The following STPG2 variants were observed in gnomAD, a reference collection of about 807,000 sequenced individuals.
The protein encoded by STPG2 is sperm-tail PG-rich repeat-containing protein 2.
In STPG2, 56 loss-of-function variants were observed where a neutral mutation model predicts 54.2. That is an observed-to-expected ratio of 1.03 (90% CI 0.83 to 1.29). STPG2 has a LOEUF of 1.29. Ranked by LOEUF, STPG2 falls within the 50% of genes most tolerant of loss-of-function variation. STPG2 has a pLI of 0.00. For missense variants in STPG2, 596 were observed against 544.9 expected (o/e 1.09, Z -0.93); for synonymous variants, 200 against 181.8 (o/e 1.10, Z -0.81).
At chr4:97,987,029 A>G (rs1734851795) in intron 5 of STPG2, among the ~76,000 whole-genome samples, 1 of 152,218 alleles carries the variant, frequency 6.6e-6, no homozygotes, top group Non-Finnish European at 1.5e-5. Context: ...TCTCATTAAG[A>G]AAGTATCTAT....
At chr4:97,460,994 T>C (rs765153472) in intron 4 of STPG2, among the ~76,000 whole-genome samples, 11 of 152,206 alleles carry the variant, frequency 7.2e-5, no homozygotes, top group Non-Finnish European at 1.0e-4. Context: ...TACACCACAA[T>C]GTATTTTATC....
intron 5 of STPG2, among the ~76,000 whole-genome samples, chr4:98,075,772 T>A (rs1235998558): frequency 6.6e-6 from 1 of 152,146 alleles, no homozygotes; most frequent in Non-Finnish European, 1.5e-5. Flanking sequence ...AGTTACATAA[T>A]AATAAAATGC....
At chr4:97,547,555 T>G (rs1038953513) in intron 4 of STPG2, among the ~76,000 whole-genome samples, 1 of 152,136 alleles carries the variant, frequency 6.6e-6, no homozygotes, top group Non-Finnish European at 1.5e-5. Flanking sequence ...TAAACTTTAA[T>G]TTTAGAAAGT....
At chr4:97,903,891 C>G (rs534087311) in intron 8 of STPG2, among the ~76,000 whole-genome samples, 32 of 152,174 alleles carry the variant, frequency 2.1e-4, no homozygotes, top group Non-Finnish European at 4.3e-4. Context: ...GCTTTTCCAA[C>G]GGGCTTAAAA....
At chr4:97,955,401 G>C (rs946490672) in intron 7 of STPG2, among the ~76,000 whole-genome samples, 2 of 151,854 alleles carry the variant, frequency 1.3e-5, no homozygotes, top group Non-Finnish European at 2.9e-5. Flanking sequence ...ATTTTTAGTA[G>C]AGACGGGGTT....
chr4:97,782,530 T>C (rs878931889), intron 9 of STPG2, among the ~76,000 whole-genome samples: 1 of 152,060 alleles, frequency 6.6e-6, no homozygotes, highest in Non-Finnish European at 1.5e-5. Context: ...TTCAATGCCA[T>C]CCCCATCAAG....
At chr4:97,556,176 G>C (rs967510218), downstream of STPG2, among the ~76,000 whole-genome samples, 2 of 152,076 alleles carry the variant, frequency 1.3e-5, no homozygotes, top group African/African-American at 2.4e-5. Context: ...CAGGAATAAA[G>C]AGCCTTTGTT....
chr4:97,843,618 ATTCC>A (rs1728864297), intron 8 of STPG2, among the ~76,000 whole-genome samples: 1 of 151,894 alleles, frequency 6.6e-6, no homozygotes, highest in Non-Finnish European at 1.5e-5. Flanking sequence ...TCAAAACGGA[ATTCC>A]CTAGTATTTT....
At chr4:97,715,437 C>G (rs1361148333) in intron 9 of STPG2, among the ~76,000 whole-genome samples, 1 of 152,010 alleles carries the variant, frequency 6.6e-6, no homozygotes, top group Non-Finnish European at 1.5e-5. Context: ...ACAACTCAGT[C>G]TCTATGAAAT....
At chr4:97,725,321 C>A (rs1454265280) in intron 9 of STPG2, among the ~76,000 whole-genome samples, 1 of 150,714 alleles carries the variant, frequency 6.6e-6, no homozygotes, top group Non-Finnish European at 1.5e-5. Flanking sequence ...CAAAGAGCAC[C>A]CAAACTAGAT....
chr4:98,139,137 C>G (rs1433768909), intron 1 of STPG2, among the ~76,000 whole-genome samples: 1 of 152,110 alleles, frequency 6.6e-6, no homozygotes, highest in Non-Finnish European at 1.5e-5. Flanking sequence ...CTCATGAAAG[C>G]AGAAAGAAAA....
At chr4:97,833,810 A>G (rs1029494036) in intron 9 of STPG2, among the ~76,000 whole-genome samples, 2 of 152,222 alleles carry the variant, frequency 1.3e-5, no homozygotes, top group African/African-American at 2.4e-5. Flanking sequence ...CCACAATGAG[A>G]TACCATCTCA....
intron 8 of STPG2, among the ~76,000 whole-genome samples, chr4:97,919,293 G>GA (rs953204632): frequency 3.4e-4 from 50 of 146,542 alleles, no homozygotes; most frequent in African/African-American, 7.7e-4. Context: ...TAAGAAACTA[G>GA]AAAAAAAACA....
chr4:97,907,790 A>G (rs943019523), intron 8 of STPG2, among the ~76,000 whole-genome samples: 18 of 152,242 alleles, frequency 1.2e-4, no homozygotes, highest in South Asian at 2.1e-4. Context: ...TTTAATAAAT[A>G]GTGGTGGGAA....
chr4:97,464,221 T>G (rs1729736273), intron 4 of STPG2, among the ~76,000 whole-genome samples: 1 of 152,076 alleles, frequency 6.6e-6, no homozygotes, highest in Non-Finnish European at 1.5e-5. Context: ...GGGAAAAACA[T>G]AAAAATGCAA....
intron 8 of STPG2, among the ~76,000 whole-genome samples, chr4:97,897,603 C>T (rs1478493082): frequency 6.6e-6 from 1 of 152,136 alleles, no homozygotes; most frequent in Non-Finnish European, 1.5e-5. Flanking sequence ...GCCATTCTGA[C>T]TGGTGTGATA....
At chr4:98,062,107 T>C (rs1445670586) in intron 5 of STPG2, among the ~76,000 whole-genome samples, 4 of 152,310 alleles carry the variant, frequency 2.6e-5, no homozygotes, top group Non-Finnish European at 5.9e-5. Flanking sequence ...CATGGAATAC[T>C]ATGCAGCCAT....
At chr4:97,847,936 G>A (rs931736342) in intron 8 of STPG2, among the ~76,000 whole-genome samples, 1 of 152,106 alleles carries the variant, frequency 6.6e-6, no homozygotes, top group African/African-American at 2.4e-5. Flanking sequence ...ATCCTGGCAT[G>A]AGCTCCAAAA....
At chr4:98,014,268 A>G (rs1378563396) in intron 5 of STPG2, among the ~76,000 whole-genome samples, 5 of 152,032 alleles carry the variant, frequency 3.3e-5, no homozygotes, top group African/African-American at 1.2e-4. Context: ...ATTTCCATGT[A>G]GTTGTGTGGT....
Sources: allele counts gnomAD v4.1 joint callset (sites outside exome capture counted in the v4.1 genomes callset), GRCh38; gene constraint gnomAD v4.1.1; transcripts MANE v1.5; gene names NCBI Gene and HGNC (gene_info 2026-07-23, HGNC 2026-07-21).